DOCK3: variants seen among roughly 807,000 people sequenced by gnomAD.
The protein encoded by DOCK3 is dedicator of cytokinesis 3.
Under a neutral mutation model 265.6 loss-of-function variants are expected in DOCK3, and 60 were observed. That is an observed-to-expected ratio of 0.23 (90% CI 0.18 to 0.28). The LOEUF (loss-of-function observed/expected upper bound fraction) is 0.28, where lower values mean the gene tolerates loss of function less well. Ranked by LOEUF, DOCK3 falls within the 10% of genes least tolerant of loss-of-function variation. DOCK3 has a pLI of 1.00. For missense variants in DOCK3, 1,981 were observed against 2,594.3 expected (o/e 0.76, Z 5.14); for synonymous variants, 881 against 938.0 (o/e 0.94, Z 1.11).
At chr3:50,747,226 ATAAT>A (rs2039503589) in intron 1 of DOCK3, among the ~76,000 whole-genome samples, 1 of 152,222 alleles carries the variant, frequency 6.6e-6, no homozygotes, top group African/African-American at 2.4e-5. Flanking sequence ...TAGCTTTATA[ATAAT>A]TCTTGAGATC....
chr3:50,961,707 A>G (rs555210774), intron 5 of DOCK3, among the ~76,000 whole-genome samples: 29 of 152,326 alleles, frequency 1.9e-4, no homozygotes, highest in African/African-American at 6.7e-4. Flanking sequence ...TAAATGAAAC[A>G]AAAGTTAACG....
intron 5 of DOCK3, among the ~76,000 whole-genome samples, chr3:51,018,784 T>G (rs2079465076): frequency 6.7e-6 from 1 of 150,168 alleles, no homozygotes. Context: ...TTTTCAACTT[T>G]TAGATTATGA....
At chr3:51,211,752 A>G (rs538483832) in intron 13 of DOCK3, among the ~76,000 whole-genome samples, 8 of 152,192 alleles carry the variant, frequency 5.3e-5, no homozygotes, top group Admixed American at 1.3e-4. Flanking sequence ...TCTTAATCCA[A>G]TCTATCATTG....
At chr3:51,227,134 T>G in intron 15 of DOCK3, 149 bp from the exon 16 acceptor site, 1 of 830,438 alleles carries the variant, frequency 1.2e-6, no homozygotes, top group Non-Finnish European at 1.9e-6. Flanking sequence ...AAGCATTGAA[T>G]TTAAATCAAA....
chr3:50,990,606 A>G (rs1275413397), intron 5 of DOCK3, among the ~76,000 whole-genome samples: 3 of 152,212 alleles, frequency 2.0e-5, no homozygotes, highest in Non-Finnish European at 4.4e-5. Flanking sequence ...GTATGTATAA[A>G]AGGGAGTTTA....
intron 2 of DOCK3, among the ~76,000 whole-genome samples, chr3:50,815,045 G>A (rs2043997127): frequency 6.6e-6 from 1 of 151,994 alleles, no homozygotes; most frequent in Non-Finnish European, 1.5e-5. Flanking sequence ...GGATGGTCTT[G>A]ATCTCTTGAC....
chr3:51,102,430 A>G (rs912967843), intron 9 of DOCK3, among the ~76,000 whole-genome samples: 4 of 152,206 alleles, frequency 2.6e-5, no homozygotes, highest in African/African-American at 9.7e-5. Context: ...GGAATGTGCT[A>G]AATGGTGTTT....
At position 50,869,342 on chromosome 3, in the gene DOCK3, A is replaced by ATTTTTTTTTTTTTTTTTTTTTTTTTTT. The variant is rs755531254; in HGVS notation, c.163-20662_163-20636dup. Among the ~76,000 whole-genome samples, 176 of 70,106 alleles carry ATTTTTTTTTTTTTTTTTTTTTTTTTTT rather than the reference A, an allele frequency of 2.5e-3. 85 individuals carry two copies. The highest frequency in any genetic ancestry group is 2.6e-3 in the African/African-American group (39 of 15,142). The allele number at this position is 70,106 out of a possible 152,430, so 46.0% of individuals were successfully genotyped here. A position where few individuals can be genotyped will look rare whatever the true frequency, so the allele number is the denominator to read the frequency against. On this transcript the variant is annotated intron_variant, in intron 3 of 52. Transcript: ENST00000266037. ...TCAATTTTATTTATTTCTGCTGGGA[A>ATTTTTTTTTTTTTTTTTTTTTTTTTTT]TTTTTTTTTTTTTTTTTTTTTTTTT...
chr3:51,211,822 CG>C (rs1290609423), intron 13 of DOCK3, among the ~76,000 whole-genome samples: 1 of 152,122 alleles, frequency 6.6e-6, no homozygotes, highest in Non-Finnish European at 1.5e-5. Flanking sequence ...AATAAACATA[CG>C]TGTGCATGTG....
intron 19 of DOCK3, among the ~76,000 whole-genome samples, chr3:51,234,498 C>G (rs2078272023): frequency 6.6e-6 from 1 of 152,112 alleles, no homozygotes; most frequent in African/African-American, 2.4e-5. Context: ...GGGTCATACT[C>G]AAGGAATCAT....
intron 3 of DOCK3, among the ~76,000 whole-genome samples, chr3:50,858,197 A>G (rs1163906769): frequency 6.6e-6 from 1 of 152,076 alleles, no homozygotes; most frequent in East Asian, 1.9e-4. Flanking sequence ...CAAACACCAC[A>G]TGTTCTCACT....
intron 7 of DOCK3, among the ~76,000 whole-genome samples, chr3:51,081,085 C>T (rs1465055823): frequency 6.6e-6 from 1 of 151,940 alleles, no homozygotes; most frequent in Non-Finnish European, 1.5e-5. Context: ...GTTAATATTG[C>T]TAATATGCAC....
intron 1 of DOCK3, among the ~76,000 whole-genome samples, chr3:50,704,829 A>G (rs2036285423): frequency 6.6e-6 from 1 of 151,978 alleles, no homozygotes; most frequent in Non-Finnish European, 1.5e-5. Context: ...GGGTTTTGTC[A>G]TGTTGGCCAG....
chr3:51,083,552 G>T (rs139129801), intron 7 of DOCK3, among the ~76,000 whole-genome samples: 97 of 152,202 alleles, frequency 6.4e-4, no homozygotes, highest in African/African-American at 2.2e-3. Context: ...AATCAGAAAA[G>T]CAATTCATGA....
chr3:50,773,944 A>G (rs2041436199), intron 1 of DOCK3, among the ~76,000 whole-genome samples: 1 of 152,080 alleles, frequency 6.6e-6, no homozygotes, highest in South Asian at 2.1e-4. Context: ...AAAAAATTTG[A>G]AAAGTTTTTG....
intron 4 of DOCK3, among the ~76,000 whole-genome samples, chr3:50,912,941 C>A (rs980149428): frequency 6.6e-6 from 1 of 152,070 alleles, no homozygotes; most frequent in Non-Finnish European, 1.5e-5. Flanking sequence ...TTGTTCCCTA[C>A]TGACCGGTGA....
At chr3:50,727,989 T>C (rs1387452953) in intron 1 of DOCK3, among the ~76,000 whole-genome samples, 3 of 152,338 alleles carry the variant, frequency 2.0e-5, no homozygotes, top group Non-Finnish European at 4.4e-5. Context: ...TAGATCATTA[T>C]ACCCAACAGA....
chr3:50,982,881 A>C (rs1311802842), intron 5 of DOCK3, among the ~76,000 whole-genome samples: 1 of 150,704 alleles, frequency 6.6e-6, no homozygotes, highest in Non-Finnish European at 1.5e-5. Context: ...ACTGAGTGGG[A>C]GGGAGTGGGT....
intron 5 of DOCK3, among the ~76,000 whole-genome samples, chr3:50,940,111 A>G (rs766592724): frequency 6.6e-6 from 1 of 152,072 alleles, no homozygotes; most frequent in Non-Finnish European, 1.5e-5. Context: ...ACAAATAACA[A>G]TGAATAATTG....
Sources: allele counts gnomAD v4.1 joint callset (sites outside exome capture counted in the v4.1 genomes callset), GRCh38; gene constraint gnomAD v4.1.1; transcripts MANE v1.5; gene names NCBI Gene and HGNC (gene_info 2026-07-23, HGNC 2026-07-21).